Variants in CADPS observed in about 807,000 individuals in gnomAD.
The protein encoded by CADPS is calcium-dependent secretion activator 1.
CADPS carries 57 observed loss-of-function variants against 167.3 expected under a neutral mutation model. The observed-to-expected ratio is 0.34, with a 90% confidence interval of 0.28 to 0.42. The LOEUF (loss-of-function observed/expected upper bound fraction) is 0.42. CADPS is among the 20% of genes least tolerant of loss of function. CADPS has a pLI of 1.00. For synonymous variants in CADPS, 676 were observed against 635.3 expected (o/e 1.06, Z -0.96); for missense variants, 1,414 against 1,738.1 (o/e 0.81, Z 3.32).
chr3:62,720,224 A>G (rs1001989376), intron 3 of CADPS, among the ~76,000 whole-genome samples: 4 of 152,240 alleles, frequency 2.6e-5, no homozygotes, highest in Admixed American at 6.5e-5. Context: ...AAACTTGTTG[A>G]AAAGTTAACA....
intron 1 of CADPS, among the ~76,000 whole-genome samples, chr3:62,869,184 T>A (rs1209057696): frequency 6.6e-6 from 1 of 152,132 alleles, no homozygotes; most frequent in Non-Finnish European, 1.5e-5. Context: ...TCAGATATTA[T>A]GTTTTTGGAT....
intron 1 of CADPS, among the ~76,000 whole-genome samples, chr3:62,801,238 A>T (rs532606956): frequency 6.6e-6 from 1 of 152,332 alleles, no homozygotes; most frequent in East Asian, 1.9e-4. Flanking sequence ...CATAAATGCC[A>T]TTGATGCAAG....
intron 5 of CADPS, among the ~76,000 whole-genome samples, chr3:62,646,590 A>T (rs953147525): frequency 1.3e-5 from 2 of 152,238 alleles, no homozygotes; most frequent in Non-Finnish European, 2.9e-5. Flanking sequence ...ATACTAAAAT[A>T]AAGGGCAAGT....
chr3:62,703,976 T>C (rs2081901427), intron 3 of CADPS, among the ~76,000 whole-genome samples: 2 of 152,078 alleles, frequency 1.3e-5, no homozygotes, highest in South Asian at 4.1e-4. Flanking sequence ...TCAAGCAATG[T>C]CAACTCACCA....
intron 28 of CADPS, among the ~76,000 whole-genome samples, chr3:62,418,555 G>A (rs2050668860): frequency 7.2e-6 from 1 of 139,310 alleles, no homozygotes; most frequent in Admixed American, 7.8e-5. Context: ...TGCCCAGTCT[G>A]GTCTCAAACT....
intron 1 of CADPS, among the ~76,000 whole-genome samples, chr3:62,845,716 C>T (rs895856483): frequency 7.9e-5 from 12 of 152,340 alleles, no homozygotes; most frequent in Admixed American, 5.9e-4. Flanking sequence ...CCACTATCAT[C>T]TATCTCTTCC....
At chr3:62,480,221 T>C (rs1370971675) in intron 22 of CADPS, among the ~76,000 whole-genome samples, 1 of 152,256 alleles carries the variant, frequency 6.6e-6, no homozygotes, top group Non-Finnish European at 1.5e-5. Context: ...CCTTAATTAA[T>C]TGAACGGAGA....
chr3:62,569,021 T>C (rs927614589), intron 9 of CADPS, among the ~76,000 whole-genome samples: 2 of 152,234 alleles, frequency 1.3e-5, no homozygotes, highest in Non-Finnish European at 2.9e-5. Context: ...AGGTGCTCAA[T>C]AAATACTGGT....
chr3:62,819,152 T>A (rs1349924388), intron 1 of CADPS, among the ~76,000 whole-genome samples: 4 of 152,126 alleles, frequency 2.6e-5, no homozygotes, highest in Admixed American at 2.0e-4. Context: ...AACTGTACAC[T>A]TAAGATCTGT....
chr3:62,429,212 T>C (rs999487862), intron 28 of CADPS, among the ~76,000 whole-genome samples: 4 of 152,164 alleles, frequency 2.6e-5, no homozygotes, highest in African/African-American at 9.7e-5. Flanking sequence ...TTTGAAGTAA[T>C]TGATCTTGCC....
At chr3:62,736,821 C>T (rs753052729) in intron 3 of CADPS, among the ~76,000 whole-genome samples, 15 of 152,092 alleles carry the variant, frequency 9.9e-5, no homozygotes, top group Non-Finnish European at 1.3e-4. Flanking sequence ...ATTCTATTTC[C>T]GAACTACAGA....
Position 62,650,880 on chromosome 3 carries a change from G to A in CADPS, c.1170C>T (p.Ser390=), listed in dbSNP as rs139597981. The change falls in exon 5 of 30, where the codon TCC becomes TCT. Residue 390 remains serine, a synonymous_variant. Coordinates refer to ENST00000383710, the MANE Select transcript of CADPS (RefSeq NM_003716.4). ...DMGEESENQL[S]KSDVVLSFSL... ...AGAAAGACAGCACGACATCTGACTTGGAGAGCTGGTTCTCACTCTCCTCGC... is the reference window on the plus strand; with the variant it reads ...AGAAAGACAGCACGACATCTGACTTAGAGAGCTGGTTCTCACTCTCCTCGC... 3.1e-6 allele frequency: 5 copies of A among 1,613,860 alleles called. No homozygotes were observed. The African/African-American group carries it at 6.7e-5, about 22-fold the overall frequency.
At chr3:62,790,362 C>G (rs939216538) in intron 1 of CADPS, among the ~76,000 whole-genome samples, 8 of 152,078 alleles carry the variant, frequency 5.3e-5, no homozygotes, top group African/African-American at 1.9e-4. Flanking sequence ...AGAGAAATTA[C>G]TTTATAAATA....
At chr3:62,738,027 T>G (rs866053921) in intron 3 of CADPS, among the ~76,000 whole-genome samples, 21 of 152,316 alleles carry the variant, frequency 1.4e-4, no homozygotes, top group Admixed American at 7.8e-4. Context: ...TTACATTTGC[T>G]GCTATATCCT....
At chr3:62,778,878 A>G (rs2090963256) in intron 1 of CADPS, among the ~76,000 whole-genome samples, 1 of 150,868 alleles carries the variant, frequency 6.6e-6, no homozygotes, top group Non-Finnish European at 1.5e-5. Context: ...AATGGAAACT[A>G]GATTTTTCTT....
rs1201295389 is a variant in CADPS at position 62,446,966 on chromosome 3, A to C, written c.3637-1169T>G. Among the ~76,000 whole-genome samples, 7 of 152,302 alleles carry C rather than the reference A, an allele frequency of 4.6e-5. No individual in the cohort carries two copies. In the East Asian group the frequency reaches 1.2e-3, roughly 25 times the overall value. The stretch of plus-strand genomic sequence containing the variant: ...TTGGCTGAGATCAATATTAGGAATC[A>C]AGCTTCACCCAAATGTCTCCCAGAA... On this transcript the variant is annotated intron_variant, in intron 26 of 29. Transcript: ENST00000383710. This position sits in a 1 kb window ranked among gnomAD's most constrained non-coding sequence, Gnocchi z 4.9.
Position 62,516,624 on chromosome 3 carries a change from G to A in CADPS, c.2413C>T (p.Arg805Ter). The A allele has an allele frequency of 6.3e-7, 1 of 1,599,748 alleles. No individual in the cohort carries two copies. Among genetic ancestry groups the A allele is most frequent in the Non-Finnish European group, 8.5e-7 (1 of 1,170,818 alleles). Residue 805 changes from arginine (R) to a stop codon, truncating the protein, a stop_gained, in exon 15 of 30, where the codon CGA becomes TGA. Coordinates refer to ENST00000383710, the MANE Select transcript of CADPS (RefSeq NM_003716.4). LOFTEE classifies it high-confidence loss of function. ...THFRYCFPFG[R>*]PEGALKATLS... ...GTAGCTTTCAAAGCACCTTCAGGTCGACCAAATGGAAAGCAATACCTAAAA... is the reference window on the plus strand; with the variant it reads ...GTAGCTTTCAAAGCACCTTCAGGTCAACCAAATGGAAAGCAATACCTAAAA...
At position 62,874,472 on chromosome 3, in the gene CADPS, G is replaced by T; in HGVS notation, c.441+117C>A. 2 of 759,914 alleles carry T rather than the reference G, an allele frequency of 2.6e-6. No homozygotes were observed. The highest frequency in any genetic ancestry group is 3.6e-5 in the South Asian group (2 of 56,150). 47.1% of individuals were successfully genotyped at this position (759,914 alleles called of 1,614,324 possible). A position where few individuals can be genotyped will look rare whatever the true frequency, so the allele number is the denominator to read the frequency against. The stretch of plus-strand genomic sequence containing the variant: ...GGGGCCTCGTAGCCCTTTCCCCAGG[G>T]CGCGGTCTCCACCTCTCCTGCTCCT... On this transcript the variant is annotated intron_variant, in intron 1 of 29. Coordinates refer to ENST00000383710, the MANE Select transcript of CADPS (RefSeq NM_003716.4). The surrounding 1 kb of genome is among the most constrained non-coding windows in gnomAD (Gnocchi z 7.1).
intron 17 of CADPS, among the ~76,000 whole-genome samples, chr3:62,505,347 C>T (rs1319873303): frequency 6.6e-6 from 1 of 152,124 alleles, no homozygotes; most frequent in Non-Finnish European, 1.5e-5. Flanking sequence ...GGATTTTTCC[C>T]ATGCTTTTCA....
Sources: gnomAD v4.1 joint callset for allele counts (sites outside exome capture counted in the v4.1 genomes callset) on GRCh38, gnomAD v4.1.1 for gene constraint, Gnocchi (gnomAD v3.1) non-coding constraint, MANE v1.5 for transcripts, NCBI Gene and HGNC (gene_info 2026-07-23, HGNC 2026-07-21) for gene names.